The following TAFA2 variants were observed in gnomAD, a reference collection of about 807,000 sequenced individuals.
TAFA2 encodes the protein chemokine-like protein TAFA-2.
A neutral mutation model predicts 18.8 loss-of-function variants in TAFA2; 7 were observed. The observed-to-expected ratio is 0.37, with a 90% CI of 0.21 to 0.70. The LOEUF is 0.70. Among genes scored for constraint, TAFA2 ranks in the 30% least tolerant of loss-of-function variants. TAFA2 has a pLI of 0.53. For missense variants in TAFA2, 122 were observed against 158.1 expected, an observed-to-expected ratio of 0.77 and a Z score of 1.23; for synonymous variants, 60 against 54.2, an observed-to-expected ratio of 1.11 and a Z score of -0.47.
intron 1 of TAFA2, among the ~76,000 whole-genome samples, chr12:61,956,028 C>T (rs1878684548): frequency 6.6e-6 from 1 of 152,036 alleles, no homozygotes; most frequent in African/African-American, 2.4e-5. Flanking sequence ...CAGACAATAA[C>T]ACACGAATAA....
At chr12:62,021,098 C>G (rs1050468580) in intron 1 of TAFA2, among the ~76,000 whole-genome samples, 1 of 152,058 alleles carries the variant, frequency 6.6e-6, no homozygotes, top group African/African-American at 2.4e-5. Context: ...TTGCTAATTT[C>G]TATACTAAAT....
intron 1 of TAFA2, among the ~76,000 whole-genome samples, chr12:62,105,654 G>C (rs1197516282): frequency 1.3e-5 from 2 of 152,158 alleles, no homozygotes; most frequent in Admixed American, 1.3e-4. Context: ...ACATTTGGCT[G>C]ATGACGCATC....
intron 1 of TAFA2, among the ~76,000 whole-genome samples, chr12:61,895,335 A>T (rs896236078): frequency 5.3e-5 from 8 of 152,166 alleles, no homozygotes; most frequent in African/African-American, 1.9e-4. Flanking sequence ...TCTTAATTCC[A>T]TGGTTTTTCT....
chr12:62,234,854 G>C, intron 1 of TAFA2: 1 of 1,048,322 alleles, frequency 9.5e-7, no homozygotes, highest in East Asian at 2.6e-5. Context: ...CCTAAAACCA[G>C]CAATGACTGG....
intron 1 of TAFA2, among the ~76,000 whole-genome samples, chr12:61,941,875 G>T (rs937642944): frequency 1.3e-5 from 2 of 152,200 alleles, no homozygotes; most frequent in Non-Finnish European, 1.5e-5. Context: ...GAGGCTGGGG[G>T]AGGGGCGCCC....
chr12:61,938,196 T>C (rs1300644933), intron 1 of TAFA2, among the ~76,000 whole-genome samples: 1 of 126,408 alleles, frequency 7.9e-6, no homozygotes, highest in Non-Finnish European at 1.6e-5. Context: ...TTCATCCATG[T>C]AATCAACAAC....
intron 1 of TAFA2, chr12:62,234,559 C>T (rs2062826828): frequency 6.0e-6 from 5 of 830,940 alleles, no homozygotes; most frequent in South Asian, 4.0e-5. Context: ...ATGTCATCTA[C>T]GCTCATTAGA....
Position 61,952,871 on chromosome 12 carries a change from C to T in TAFA2, c.-1-85445G>A, listed in dbSNP as rs71465125. ...ATATGGTCACATAAAGAACCGAGTA[C>T]GTGTTTTTGCACCCAAGATCAAGTT... On this transcript the variant is annotated intron_variant, in intron 1 of 4. Transcript: ENST00000416284. Among the ~76,000 whole-genome samples the T allele has an allele frequency of 8.6e-3, 1,315 of 152,042 alleles. 7 individuals carry two copies. Among genetic ancestry groups the T allele is most frequent in the Non-Finnish European group, 0.014 (973 of 67,970 alleles).
chr12:61,720,615 G>A (rs1275024009), intron 4 of TAFA2: 1 of 219,156 alleles, frequency 4.6e-6, no homozygotes, highest in Non-Finnish European at 9.3e-6. Context: ...TGAAATCAGG[G>A]GCACTTAAAT....
intron 2 of TAFA2, among the ~76,000 whole-genome samples, chr12:61,829,639 GA>G (rs1419262330): frequency 2.0e-5 from 3 of 151,342 alleles, no homozygotes; most frequent in South Asian, 2.1e-4. Flanking sequence ...TAAATATCAA[GA>G]AAAAACATAT....
In TAFA2 at chr12:62,191,312, T is replaced by C. The variant is rs1383268308; in HGVS notation, c.-55A>G. The stretch of plus-strand genomic sequence containing the variant: ...CACCTAGCGATGCTCCTGCAGCTTT[T>C]GCGGGCCGGCGCCAGCCTTATCGCT... On this transcript the variant is annotated 5_prime_UTR_variant, in exon 1 of 5. Transcript: ENST00000416284. The C allele has an allele frequency of 6.6e-6, 1 of 152,256 alleles. No individual in the cohort carries two copies. The highest frequency in any genetic ancestry group is 2.4e-5 in the African/African-American group (1 of 41,464). 9.4% of individuals were successfully genotyped at this position (152,256 alleles called of 1,614,324 possible).
At chr12:62,001,820 C>T (rs1039907103) in intron 1 of TAFA2, among the ~76,000 whole-genome samples, 2 of 152,094 alleles carry the variant, frequency 1.3e-5, no homozygotes, top group Non-Finnish European at 2.9e-5. Context: ...ATTATAACTA[C>T]AGCTAATTAA....
intron 1 of TAFA2, among the ~76,000 whole-genome samples, chr12:62,035,583 A>G (rs1035816171): frequency 1.1e-4 from 16 of 151,806 alleles, no homozygotes; most frequent in African/African-American, 3.9e-4. Flanking sequence ...AGGCTATTCA[A>G]AGAACTGAAA....
intron 1 of TAFA2, among the ~76,000 whole-genome samples, chr12:62,160,302 C>CA (rs1555195050): frequency 6.6e-6 from 1 of 152,146 alleles, no homozygotes; most frequent in Non-Finnish European, 1.5e-5. Context: ...TGAGGCAGCT[C>CA]ATGGGAGAAA....
intron 4 of TAFA2, among the ~76,000 whole-genome samples, chr12:61,745,062 T>C (rs1399510842): frequency 6.6e-6 from 1 of 152,116 alleles, no homozygotes; most frequent in Non-Finnish European, 1.5e-5. Flanking sequence ...TATTATTTAA[T>C]ATAAATATCA....
chr12:61,724,114 A>G (rs1870028401), intron 4 of TAFA2, among the ~76,000 whole-genome samples: 1 of 152,128 alleles, frequency 6.6e-6, no homozygotes, highest in Non-Finnish European at 1.5e-5. Context: ...TGTACTGTAT[A>G]TATTACAGTT....
chr12:62,028,087 T>C (rs1040283367), intron 1 of TAFA2, among the ~76,000 whole-genome samples: 3 of 152,120 alleles, frequency 2.0e-5, no homozygotes, highest in South Asian at 2.1e-4. Context: ...GGGGCCACAT[T>C]ATGGTTAGAA....
chr12:61,818,261 C>G (rs1872168677), intron 2 of TAFA2, among the ~76,000 whole-genome samples: 1 of 152,110 alleles, frequency 6.6e-6, no homozygotes, highest in Admixed American at 6.5e-5. Context: ...AAACCCCATT[C>G]TATAAAAATT....
intron 2 of TAFA2, among the ~76,000 whole-genome samples, chr12:61,792,758 A>G (rs1221408153): frequency 6.6e-6 from 1 of 151,538 alleles, no homozygotes; most frequent in Non-Finnish European, 1.5e-5. Context: ...AGCATTATGC[A>G]TAATAACAGA....
Sources: allele counts gnomAD v4.1 joint callset (sites outside exome capture counted in the v4.1 genomes callset), GRCh38; gene constraint gnomAD v4.1.1; transcripts MANE v1.5; gene names NCBI Gene and HGNC (gene_info 2026-07-23, HGNC 2026-07-21).